The following NLGN1 variants were observed in gnomAD, a reference collection of about 807,000 sequenced individuals.
The protein encoded by NLGN1 is neuroligin 1, also known as neuroligin-1.
A neutral mutation model predicts 65.5 loss-of-function variants in NLGN1; 12 were observed. The ratio of observed to expected loss-of-function variants is 0.18; its 90% confidence interval spans 0.12 to 0.30. The LOEUF (loss-of-function observed/expected upper bound fraction) is 0.30. NLGN1 is among the 10% of genes least tolerant of loss of function. The pLI, the probability that NLGN1 is intolerant of heterozygous loss-of-function variation, is 1.00. For synonymous variants in NLGN1, 350 were observed against 359.5 expected, an observed-to-expected ratio of 0.97 and a Z score of 0.30; for missense variants, 750 against 1,007.1, an observed-to-expected ratio of 0.74 and a Z score of 3.46.
At position 173,882,958 on chromosome 3, in the gene NLGN1, C is replaced by A. The variant is rs150681979; in HGVS notation, c.646+75126C>A. Among the ~76,000 whole-genome samples, 50 of 147,276 alleles carry A rather than the reference C, an allele frequency of 3.4e-4. 1 individual carries two copies. The highest frequency in any genetic ancestry group is 1.2e-3 in the African/African-American group (49 of 39,462). Reference sequence around the variant, plus strand: ...TCATTCCACTTGAACGCTTAGCAGCCATTGAGGAGTTATTAATTGGCCTGA... The same window carrying A: ...TCATTCCACTTGAACGCTTAGCAGCAATTGAGGAGTTATTAATTGGCCTGA... On this transcript the variant is annotated intron_variant, in intron 4 of 6. Transcript: ENST00000457714.
chr3:173,860,066 A>G (rs1728762625), intron 4 of NLGN1, among the ~76,000 whole-genome samples: 1 of 151,744 alleles, frequency 6.6e-6, no homozygotes, highest in South Asian at 2.1e-4. Context: ...TGTCATTATC[A>G]TTATTTACAT....
intron 4 of NLGN1, among the ~76,000 whole-genome samples, chr3:174,000,647 T>C (rs559607379): frequency 2.0e-5 from 3 of 152,164 alleles, no homozygotes; most frequent in Non-Finnish European, 2.9e-5. Flanking sequence ...TAATGTGAAA[T>C]GTATAAAGCA....
chr3:174,089,989 CAT>C (rs780086169), intron 4 of NLGN1, among the ~76,000 whole-genome samples: 4 of 151,286 alleles, frequency 2.6e-5, no homozygotes, highest in African/African-American at 4.9e-5. Flanking sequence ...TATTTTAACT[CAT>C]TAACTCTTTA....
intron 2 of NLGN1, among the ~76,000 whole-genome samples, chr3:173,589,679 A>G (rs895648437): frequency 2.6e-5 from 4 of 152,158 alleles, no homozygotes; most frequent in Non-Finnish European, 4.4e-5. Flanking sequence ...TGAAGGTCTT[A>G]TTGTATACAT....
At chr3:173,816,071 ATATTTAAAT>A (rs1198459762) in intron 4 of NLGN1, among the ~76,000 whole-genome samples, 1 of 19,328 alleles carries the variant, frequency 5.2e-5, no homozygotes, top group Non-Finnish European at 2.2e-4. Context: ...CTGTAATTAT[ATATTTAAAT>A]TTTTAATAAT....
intron 2 of NLGN1, among the ~76,000 whole-genome samples, chr3:173,528,483 C>T (rs949899157): frequency 7.2e-5 from 11 of 152,130 alleles, no homozygotes; most frequent in Non-Finnish European, 1.6e-4. Flanking sequence ...ATTTCTGCAT[C>T]TCTAGCAAGA....
At chr3:173,995,876 G>A (rs1560803045) in intron 4 of NLGN1, among the ~76,000 whole-genome samples, 9 of 151,932 alleles carry the variant, frequency 5.9e-5, no homozygotes, top group Non-Finnish European at 1.5e-5. Context: ...TGTAGAGACA[G>A]TGTCTCAGTA....
rs1434647283 is a variant in NLGN1, at chr3:173,532,858, A to C, written c.-320-71421A>C. Among the ~76,000 whole-genome samples the C allele has an allele frequency of 3.3e-5, 5 of 152,338 alleles. No individual in the cohort carries two copies. The South Asian group carries it at 1.0e-3, about 32-fold the overall frequency. Reference sequence around the variant, plus strand: ...CCATGTTTATTGCAGGTTGGCTGAAAGTTCTGCTCGATATCTCCTTACTCC... The same window carrying C: ...CCATGTTTATTGCAGGTTGGCTGAACGTTCTGCTCGATATCTCCTTACTCC... On this transcript the variant is annotated intron_variant, in intron 2 of 6. Coordinates refer to ENST00000457714, the Ensembl canonical transcript of NLGN1.
intron 4 of NLGN1, among the ~76,000 whole-genome samples, chr3:174,027,482 G>T (rs1729083025): frequency 6.6e-6 from 1 of 152,118 alleles, no homozygotes; most frequent in Non-Finnish European, 1.5e-5. Flanking sequence ...CAATCTCTTT[G>T]GTGCCAGATG....
rs576509582 is a variant in NLGN1 at position 174,199,288 on chromosome 3, C to T, written c.647-76027C>T. Reference sequence around the variant, plus strand: ...AAAATGATAAGAATAACACATACCCCGTAAGTTTGTTATGATGATTTAATA... The same window carrying T: ...AAAATGATAAGAATAACACATACCCTGTAAGTTTGTTATGATGATTTAATA... On this transcript the variant is annotated intron_variant, in intron 4 of 6. Coordinates refer to ENST00000457714, the Ensembl canonical transcript of NLGN1. Among the ~76,000 whole-genome samples the T allele has an allele frequency of 8.6e-5, 13 of 151,768 alleles. 1 individual carries two copies. In the South Asian group the frequency reaches 2.3e-3, roughly 27 times the overall value.
At chr3:173,676,600 A>T (rs1176195536) in intron 3 of NLGN1, among the ~76,000 whole-genome samples, 1 of 152,108 alleles carries the variant, frequency 6.6e-6, no homozygotes. Context: ...TAAATTCATA[A>T]ATTGGAAAAT....
intron 4 of NLGN1, among the ~76,000 whole-genome samples, chr3:174,215,130 G>C (rs983338972): frequency 1.2e-4 from 18 of 151,878 alleles, no homozygotes; most frequent in African/African-American, 4.1e-4. Flanking sequence ...AGTTTTTCTC[G>C]GTTGGGTTAC....
At chr3:173,991,713 T>G (rs1463857849) in intron 4 of NLGN1, among the ~76,000 whole-genome samples, 1 of 152,214 alleles carries the variant, frequency 6.6e-6, no homozygotes, top group Non-Finnish European at 1.5e-5. Context: ...CTCCGTATGC[T>G]CCTTCTCAGA....
chr3:174,196,594 T>G (rs374726104), intron 4 of NLGN1, among the ~76,000 whole-genome samples: 1 of 152,298 alleles, frequency 6.6e-6, no homozygotes, highest in Admixed American at 6.5e-5. Context: ...CATTGGAAAT[T>G]TGGTGCGTTC....
chr3:173,725,565 G>T (rs1275634481), intron 3 of NLGN1, among the ~76,000 whole-genome samples: 1 of 152,156 alleles, frequency 6.6e-6, no homozygotes, highest in Admixed American at 6.5e-5. Flanking sequence ...TAGTTAGAGG[G>T]CTCACACTAC....
chr3:173,758,841 T>A (rs1777529307), intron 3 of NLGN1, among the ~76,000 whole-genome samples: 1 of 152,002 alleles, frequency 6.6e-6, no homozygotes, highest in Non-Finnish European at 1.5e-5. Flanking sequence ...CAATTTTTCC[T>A]TCCTAGGGAA....
intron 4 of NLGN1, among the ~76,000 whole-genome samples, chr3:174,132,503 C>T: frequency 6.6e-6 from 1 of 151,998 alleles, no homozygotes; most frequent in East Asian, 1.9e-4. Context: ...AAGTCTGGCC[C>T]TGTCTTGAGG....
At chr3:174,118,328 A>G (rs1480512233) in intron 4 of NLGN1, among the ~76,000 whole-genome samples, 1 of 152,110 alleles carries the variant, frequency 6.6e-6, no homozygotes, top group Non-Finnish European at 1.5e-5. Flanking sequence ...AGCTTACTCT[A>G]ATATCTTGCA....
At chr3:173,405,539 T>C (rs1381244820) in intron 1 of NLGN1, among the ~76,000 whole-genome samples, 2 of 152,212 alleles carry the variant, frequency 1.3e-5, no homozygotes, top group African/African-American at 4.8e-5. Context: ...AACAAACTAA[T>C]ACCATAGCGA....
Sources: gnomAD v4.1 joint callset for allele counts (sites outside exome capture counted in the v4.1 genomes callset) on GRCh38, gnomAD v4.1.1 for gene constraint, MANE v1.5 for transcripts, NCBI Gene and HGNC (gene_info 2026-07-23, HGNC 2026-07-21) for gene names.